The following OCA2 variants were observed in gnomAD, a reference collection of about 807,000 sequenced individuals.
OCA2 encodes P protein.
Under a neutral mutation model 100.2 loss-of-function variants are expected in OCA2, and 77 were observed. That is an observed-to-expected ratio of 0.77 (90% CI 0.64 to 0.93). The LOEUF (loss-of-function observed/expected upper bound fraction) is 0.93. OCA2 is among the 40% of genes least tolerant of loss of function. The pLI is 0.00. For missense variants in OCA2, 1,062 were observed against 1,089.1 expected (o/e 0.98, Z 0.35); for synonymous variants, 432 against 439.2 (o/e 0.98, Z 0.21).
chr15:27,788,783 C>G (rs1555406190), intron 23 of OCA2, among the ~76,000 whole-genome samples: 1 of 150,334 alleles, frequency 6.7e-6, no homozygotes, highest in Non-Finnish European at 1.5e-5. Flanking sequence ...TTTTTTTGTT[C>G]CTGTTTCTTT....
At chr15:27,909,952 T>A (rs2038322813) in intron 19 of OCA2, among the ~76,000 whole-genome samples, 1 of 151,988 alleles carries the variant, frequency 6.6e-6, no homozygotes, top group Admixed American at 6.6e-5. Flanking sequence ...TAGGAGTAAA[T>A]AATTGCAGTC....
chr15:27,870,678 AG>A (rs2151491788), intron 21 of OCA2, among the ~76,000 whole-genome samples: 1 of 17,854 alleles, frequency 5.6e-5, no homozygotes, highest in African/African-American at 1.5e-4. Flanking sequence ...GAAGGAAGGA[AG>A]GAAAGAAGGA....
intron 5 of OCA2, among the ~76,000 whole-genome samples, chr15:28,024,297 T>C (rs1038745222): frequency 6.6e-6 from 1 of 152,156 alleles, no homozygotes; most frequent in Non-Finnish European, 1.5e-5. Context: ...CATCTCACGT[T>C]GGTTTGGCTC....
intron 23 of OCA2, among the ~76,000 whole-genome samples, chr15:27,778,632 G>A (rs901343782): frequency 7.9e-5 from 12 of 152,282 alleles, no homozygotes; most frequent in Admixed American, 3.9e-4. Context: ...AGAGGTCAAG[G>A]TGTAGCAGGA....
intron 19 of OCA2, among the ~76,000 whole-genome samples, chr15:27,891,153 G>T (rs887049792): frequency 1.3e-5 from 2 of 152,068 alleles, no homozygotes; most frequent in African/African-American, 4.8e-5. Context: ...TTAAACAAAA[G>T]TTATGTTGCC....
intron 23 of OCA2, among the ~76,000 whole-genome samples, chr15:27,791,299 A>G (rs1463459051): frequency 6.6e-6 from 1 of 152,140 alleles, no homozygotes; most frequent in Non-Finnish European, 1.5e-5. Context: ...ATGAAAAGAC[A>G]CTCTTAATGA....
chr15:27,953,741 T>C (rs2040116574), intron 17 of OCA2, among the ~76,000 whole-genome samples: 1 of 152,028 alleles, frequency 6.6e-6, no homozygotes, highest in Non-Finnish European at 1.5e-5. Flanking sequence ...TTTCTTTTTT[T>C]CTGTTTTCTT....
intron 23 of OCA2, among the ~76,000 whole-genome samples, chr15:27,833,688 C>T (rs77361499): frequency 0.02 from 3,068 of 152,208 alleles, 92 homozygotes; most frequent in African/African-American, 0.069. Flanking sequence ...GGATTTCTTC[C>T]CAGTTATAGG....
chr15:27,985,261 G>C, intron 12 of OCA2, 73 bp from the exon 13 acceptor site: 1 of 1,572,658 alleles, frequency 6.4e-7, no homozygotes, highest in Non-Finnish European at 8.7e-7. Context: ...CCTTTCATTA[G>C]TGACTTTAAG....
chr15:27,988,388 G>A (rs1188188396), intron 11 of OCA2, among the ~76,000 whole-genome samples: 1 of 152,024 alleles, frequency 6.6e-6, no homozygotes, highest in Non-Finnish European at 1.5e-5. Context: ...TTGGAGTGAG[G>A]GCGTTGAAGG....
intron 9 of OCA2, among the ~76,000 whole-genome samples, chr15:27,999,080 A>G (rs989468489): frequency 2.0e-5 from 3 of 150,914 alleles, no homozygotes; most frequent in Non-Finnish European, 3.0e-5. Flanking sequence ...GGATAGCATT[A>G]GGAGATATAC....
At chr15:28,008,027 C>G (rs1489172463) in intron 9 of OCA2, among the ~76,000 whole-genome samples, 1 of 152,168 alleles carries the variant, frequency 6.6e-6, no homozygotes, top group Admixed American at 6.5e-5. Flanking sequence ...TCTGAAGATG[C>G]TCTGGAAACA....
At chr15:28,086,472 C>T (rs983608067) in intron 1 of OCA2, among the ~76,000 whole-genome samples, 2 of 152,100 alleles carry the variant, frequency 1.3e-5, no homozygotes, top group South Asian at 2.1e-4. Context: ...AGTGTCAGGC[C>T]CTTCTGCTGG....
chr15:27,947,891 T>G (rs1401228533), intron 18 of OCA2, among the ~76,000 whole-genome samples: 1 of 152,090 alleles, frequency 6.6e-6, no homozygotes, highest in Non-Finnish European at 1.5e-5. Flanking sequence ...GGGTTGAAGC[T>G]CCCGGATGAA....
intron 14 of OCA2, among the ~76,000 whole-genome samples, chr15:27,983,121 T>A (rs1595760351): frequency 6.6e-6 from 1 of 152,340 alleles, no homozygotes; most frequent in Non-Finnish European, 1.5e-5. Flanking sequence ...CAGTCATTTC[T>A]TTAAAAACTG....
At chr15:28,041,685 A>G (rs2043205793) in intron 2 of OCA2, among the ~76,000 whole-genome samples, 1 of 152,276 alleles carries the variant, frequency 6.6e-6, no homozygotes, top group African/African-American at 2.4e-5. Flanking sequence ...GAAGGATACA[A>G]AATCAACACA....
intron 2 of OCA2, among the ~76,000 whole-genome samples, chr15:28,056,271 CATG>C (rs2043693205): frequency 6.6e-6 from 1 of 152,164 alleles, no homozygotes; most frequent in Non-Finnish European, 1.5e-5. Context: ...TCCACTTGGC[CATG>C]ATTTCTCAAG....
At chr15:27,785,743 T>C (rs990799460) in intron 23 of OCA2, among the ~76,000 whole-genome samples, 2 of 152,190 alleles carry the variant, frequency 1.3e-5, no homozygotes, top group African/African-American at 2.4e-5. Context: ...CTTCTGGGTA[T>C]ATACCCCAGT....
At chr15:27,925,796 T>G (rs765145400) in intron 19 of OCA2, among the ~76,000 whole-genome samples, 1 of 152,178 alleles carries the variant, frequency 6.6e-6, no homozygotes, top group African/African-American at 2.4e-5. Flanking sequence ...ATCATCAAGG[T>G]CACACTACCT....
Sources: gnomAD v4.1 joint callset for allele counts (sites outside exome capture counted in the v4.1 genomes callset) on GRCh38, gnomAD v4.1.1 for gene constraint, MANE v1.5 for transcripts, NCBI Gene and HGNC (gene_info 2026-07-23, HGNC 2026-07-21) for gene names.